The following ACTR3C variants were observed in gnomAD, a reference collection of about 807,000 sequenced individuals.
ACTR3C encodes actin-related protein 3C.
A neutral mutation model predicts 26.3 loss-of-function variants in ACTR3C; 18 were observed. The ratio of observed to expected loss-of-function variants is 0.68; its 90% confidence interval spans 0.47 to 1.01. The LOEUF is 1.01. ACTR3C is among the 50% of genes least tolerant of loss of function. The pLI, the probability that ACTR3C is intolerant of heterozygous loss-of-function variation, is 0.00. For missense variants in ACTR3C, 184 were observed against 250.7 expected (o/e 0.73, Z 1.80); for synonymous variants, 55 against 94.5 (o/e 0.58, Z 2.42).
the ACTR3C span, chr7:149,892,373 C>T: frequency 6.4e-7 from 1 of 1,571,532 alleles, no homozygotes; most frequent in Non-Finnish European, 8.6e-7. Flanking sequence ...GGTCAACTAC[C>T]TTTGCTGACT....
chr7:150,025,000 G>A, the ACTR3C span, among the ~76,000 whole-genome samples: 3 of 152,068 alleles, frequency 2.0e-5, no homozygotes, highest in Non-Finnish European at 2.9e-5. Flanking sequence ...CCTCTGGAAA[G>A]GATGTTTGTC....
chr7:150,034,975 TG>T, the ACTR3C span, among the ~76,000 whole-genome samples: 66 of 100,784 alleles, frequency 6.5e-4, no homozygotes, highest in Non-Finnish European at 8.8e-4. Context: ...CCCACTCTCG[TG>T]GGGGGTGCCT....
At chr7:150,161,673 C>T in the ACTR3C span, among the ~76,000 whole-genome samples, 1 of 152,052 alleles carries the variant, frequency 6.6e-6, no homozygotes, top group Non-Finnish European at 1.5e-5. Context: ...TGGGTATATA[C>T]CCAAAGGAAT....
the ACTR3C span, among the ~76,000 whole-genome samples, chr7:149,942,594 A>ACG: frequency 6.7e-6 from 1 of 148,968 alleles, no homozygotes; most frequent in African/African-American, 2.6e-5. Context: ...AAACACACAC[A>ACG]AAAGGTTAGC....
the ACTR3C span, among the ~76,000 whole-genome samples, chr7:150,119,324 T>G: frequency 0.011 from 1,738 of 152,318 alleles, 37 homozygotes; most frequent in African/African-American, 0.04. Context: ...CCCATTGGTA[T>G]GCTGTATTCA....
At chr7:150,297,497 T>C (rs1198014842) in intron 1 of ACTR3C, among the ~76,000 whole-genome samples, 1 of 152,098 alleles carries the variant, frequency 6.6e-6, no homozygotes, top group Non-Finnish European at 1.5e-5. Flanking sequence ...TCAAGAAGAA[T>C]GCAGAAAGTC....
chr7:150,154,968 C>G, the ACTR3C span, among the ~76,000 whole-genome samples: 2 of 152,118 alleles, frequency 1.3e-5, no homozygotes, highest in African/African-American at 4.8e-5. Context: ...TCCTGTCCCT[C>G]CCCTGGCCCA....
rs527326086 is a variant in ACTR3C, at chr7:150,281,349, A to G, written c.564+3404T>C. ...AGACCTACTGATCTGTGCACTTGCT[A>G]ACACAGACGATTCGGGGCATGCTCT... On this transcript the variant is annotated intron_variant, in intron 6 of 7. Transcript: ENST00000683684. 2.0e-3 allele frequency among the ~76,000 whole-genome samples: 302 copies of G among 151,182 alleles called. 1 individual carries two copies. The highest frequency in any genetic ancestry group is 7.0e-3 in the African/African-American group (285 of 40,846).
the ACTR3C span, among the ~76,000 whole-genome samples, chr7:150,047,161 G>A: frequency 6.6e-6 from 1 of 151,748 alleles, no homozygotes; most frequent in Non-Finnish European, 1.5e-5. Flanking sequence ...GGGCACGATG[G>A]AGAGATTCCA....
chr7:150,149,076 T>G, the ACTR3C span, among the ~76,000 whole-genome samples: 5 of 100,268 alleles, frequency 5.0e-5, no homozygotes, highest in African/African-American at 2.0e-4. Context: ...GAATAAAGTT[T>G]GAGTATATAT....
the ACTR3C span, among the ~76,000 whole-genome samples, chr7:149,967,006 C>A: frequency 7.2e-6 from 1 of 139,418 alleles, no homozygotes; most frequent in Non-Finnish European, 1.5e-5. Context: ...GGATTACAGG[C>A]GTGTGTCACC....
At chr7:149,909,231 C>A in the ACTR3C span, among the ~76,000 whole-genome samples, 1 of 143,710 alleles carries the variant, frequency 7.0e-6, no homozygotes, top group Non-Finnish European at 1.5e-5. Context: ...CTACTAAACA[C>A]AATAAAAACA....
chr7:150,040,247 A>T, the ACTR3C span, among the ~76,000 whole-genome samples: 1 of 147,364 alleles, frequency 6.8e-6, no homozygotes, highest in African/African-American at 2.6e-5. Flanking sequence ...AAACCTGTCT[A>T]GTTGTTTAGA....
At chr7:150,191,016 C>G in the ACTR3C span, among the ~76,000 whole-genome samples, 1 of 152,148 alleles carries the variant, frequency 6.6e-6, no homozygotes, top group Non-Finnish European at 1.5e-5. Flanking sequence ...GTCCCTCCCA[C>G]CACACTTGGG....
chr7:150,208,656 C>T, the ACTR3C span, among the ~76,000 whole-genome samples: 2 of 152,218 alleles, frequency 1.3e-5, no homozygotes, highest in Admixed American at 1.3e-4. Flanking sequence ...AGATTACTTC[C>T]AGGGGCCTTA....
At chr7:150,185,276 CGTGTGTGT>C in the ACTR3C span, among the ~76,000 whole-genome samples, 2,209 of 140,938 alleles carry the variant, frequency 0.016, 13 homozygotes, top group African/African-American at 0.051. Context: ...AAATGTCAGG[CGTGTGTGT>C]GTGTGTGTGT....
the ACTR3C span, among the ~76,000 whole-genome samples, chr7:149,946,610 G>A: frequency 2.0e-5 from 3 of 152,108 alleles, no homozygotes; most frequent in East Asian, 5.8e-4. Context: ...AAGTGCTGAG[G>A]GCAAGTGGGG....
chr7:149,946,780 A>C, the ACTR3C span, among the ~76,000 whole-genome samples: 48 of 152,222 alleles, frequency 3.2e-4, 1 homozygote, highest in Non-Finnish European at 5.9e-5. Flanking sequence ...CTCCCCGTGA[A>C]GGTGACATCA....
At chr7:149,912,994 T>A in the ACTR3C span, among the ~76,000 whole-genome samples, 1 of 152,232 alleles carries the variant, frequency 6.6e-6, no homozygotes, top group African/African-American at 2.4e-5. Context: ...TTACTTTGAA[T>A]AATCATAATG....
Sources: gnomAD v4.1 joint callset for allele counts (sites outside exome capture counted in the v4.1 genomes callset) on GRCh38, gnomAD v4.1.1 for gene constraint, MANE v1.5 for transcripts, NCBI Gene and HGNC (gene_info 2026-07-23, HGNC 2026-07-21) for gene names.